Variants in MIAT observed in about 807,000 individuals in gnomAD.
The protein encoded by MIAT is MI related novel mRNA.
At chr22:26,673,424 C>A, downstream of MIAT, 1 of 398,928 alleles carries the variant, frequency 2.5e-6, no homozygotes, top group Non-Finnish European at 4.4e-6. Context: ...TGACCACTAA[C>A]AACCAACCTG....
downstream of MIAT, chr22:26,670,602 T>TTTA: frequency 3.2e-6 from 1 of 308,104 alleles, no homozygotes; most frequent in East Asian, 4.1e-5. Flanking sequence ...CATTGCTCCT[T>TTTA]AAAAAAAAAA....
chr22:26,649,970 G>A lies in MIAT; in HGVS notation n.646+2659G>A, dbSNP rs185380903. 4.5e-4 allele frequency among the ~76,000 whole-genome samples: 69 copies of A among 152,278 alleles called. No individual in the cohort carries two copies. The East Asian group carries it at 0.012, about 27-fold the overall frequency. On this transcript the variant is annotated intron_variant and non_coding_transcript_variant, in intron 2 of 5. Transcript: ENST00000643270. ...TCCTCGACCTGGGGTAGGACATGTC[G>A]GGTGTGTCCGACAGTCTCCCAGAAG...
chr22:26,648,506 A>G (rs1338917598), intron 2 of MIAT, among the ~76,000 whole-genome samples: 2 of 149,952 alleles, frequency 1.3e-5, no homozygotes, highest in Admixed American at 1.3e-4. Flanking sequence ...CATAAAATAC[A>G]GATGCTGGGG....
chr22:26,652,613 C>A (rs1930355604), intron 2 of MIAT, among the ~76,000 whole-genome samples: 1 of 152,114 alleles, frequency 6.6e-6, no homozygotes, highest in South Asian at 2.1e-4. Flanking sequence ...CCCTCGGCCT[C>A]CCAAAGTGCT....
At chr22:26,676,057 A>C in exon 5 of MIAT, 1 of 398,682 alleles carries the variant, frequency 2.5e-6, no homozygotes, top group Non-Finnish European at 4.4e-6. Context: ...CAAGCTTGCT[A>C]TGAGCAGGAT....
chr22:26,664,631 T>TC (rs1484671212), intron 3 of MIAT, among the ~76,000 whole-genome samples: 1 of 152,222 alleles, frequency 6.6e-6, no homozygotes, highest in East Asian at 1.9e-4. Context: ...CTAGCTTCTT[T>TC]CCCTCAGCAT....
downstream of MIAT, chr22:26,670,937 C>T: frequency 2.5e-6 from 1 of 396,486 alleles, no homozygotes; most frequent in Non-Finnish European, 4.4e-6. Context: ...CAACTTGGTT[C>T]CAGGAGCCAG....
At chr22:26,672,942 A>G, downstream of MIAT, 1 of 398,580 alleles carries the variant, frequency 2.5e-6, no homozygotes, top group Non-Finnish European at 4.4e-6. Context: ...TCAGCTAGAG[A>G]GCCGTCTCCC....
exon 6 of MIAT, chr22:26,668,175 G>A (rs928160133): frequency 2.0e-5 from 8 of 398,478 alleles, no homozygotes; most frequent in Non-Finnish European, 3.5e-5. Context: ...CATCTGGGCC[G>A]CATCTCCAGG....
chr22:26,661,795 C>G (rs1308204082), intron 2 of MIAT, among the ~76,000 whole-genome samples: 1 of 149,594 alleles, frequency 6.7e-6, no homozygotes, highest in African/African-American at 2.4e-5. Flanking sequence ...GATGATTTAT[C>G]AATCATGGGC....
downstream of MIAT, chr22:26,673,995 AACCTTAAAAT>A: frequency 2.5e-6 from 1 of 398,686 alleles, no homozygotes; most frequent in Non-Finnish European, 4.4e-6. Context: ...AGCTCTTATA[AACCTTAAAAT>A]ACCTGTCTGG....
At chr22:26,657,817 G>C (rs1322401649) in intron 2 of MIAT, among the ~76,000 whole-genome samples, 2 of 152,242 alleles carry the variant, frequency 1.3e-5, no homozygotes, top group East Asian at 3.8e-4. Context: ...TTGGATGGAT[G>C]AAGAGGCTTT....
chr22:26,672,997 C>T (rs1931111601), downstream of MIAT: 1 of 398,486 alleles, frequency 2.5e-6, no homozygotes, highest in African/African-American at 2.1e-5. Flanking sequence ...CGTAAGTAGA[C>T]GTGGGGCCGT....
chr22:26,665,477 G>A, intron 3 of MIAT: 1 of 398,676 alleles, frequency 2.5e-6, no homozygotes, highest in East Asian at 3.6e-5. Flanking sequence ...CGAGGGGAAA[G>A]GGTCACTGTG....
intron 2 of MIAT, among the ~76,000 whole-genome samples, chr22:26,648,820 C>G (rs1046781813): frequency 6.6e-6 from 1 of 152,014 alleles, no homozygotes; most frequent in Non-Finnish European, 1.5e-5. Context: ...TTCTAAGATC[C>G]TTTATAATAA....
chr22:26,667,533 A>G (rs555111379), intron 5 of MIAT, among the ~76,000 whole-genome samples: 274 of 152,218 alleles, frequency 1.8e-3, no homozygotes, highest in Non-Finnish European at 3.5e-3. Flanking sequence ...AGTCCTTCCC[A>G]TCCCCTCAAA....
chr22:26,650,825 A>T (rs1345369056), intron 2 of MIAT, among the ~76,000 whole-genome samples: 1 of 152,210 alleles, frequency 6.6e-6, no homozygotes, highest in Non-Finnish European at 1.5e-5. Context: ...AGAGAGTCTG[A>T]GGGCAGCTTC....
At chr22:26,673,006 G>A (rs1931112073), downstream of MIAT, 1 of 398,634 alleles carries the variant, frequency 2.5e-6, no homozygotes, top group Non-Finnish European at 4.4e-6. Flanking sequence ...ACGTGGGGCC[G>A]TGACCGGAAG....
chr22:26,651,412 G>A (rs1930334063), intron 2 of MIAT, among the ~76,000 whole-genome samples: 1 of 152,186 alleles, frequency 6.6e-6, no homozygotes, highest in African/African-American at 2.4e-5. Flanking sequence ...TACAGGTGTG[G>A]CCCGGCAGAG....
Sources: gnomAD v4.1 joint callset for allele counts (sites outside exome capture counted in the v4.1 genomes callset) on GRCh38, gnomAD v4.1.1 for gene constraint, MANE v1.5 for transcripts, NCBI Gene and HGNC (gene_info 2026-07-23, HGNC 2026-07-21) for gene names.